The following ZNF91 variants were observed in gnomAD, a reference collection of about 807,000 sequenced individuals.
ZNF91 encodes the protein zinc finger protein 91 (HPF7, HTF10).
In ZNF91, 7 loss-of-function variants were observed where a neutral mutation model predicts 12.6. The ratio of observed to expected loss-of-function variants is 0.55; its 90% confidence interval spans 0.31 to 1.04. ZNF91 has a LOEUF of 1.04. Among genes scored for constraint, ZNF91 ranks in the 50% least tolerant of loss-of-function variants. The pLI, the probability that ZNF91 is intolerant of heterozygous loss-of-function variation, is 0.05. For synonymous variants in ZNF91, 453 were observed against 462.6 expected, an observed-to-expected ratio of 0.98 and a Z score of 0.27; for missense variants, 1,217 against 1,385.4, an observed-to-expected ratio of 0.88 and a Z score of 1.93.
At position 23,359,593 on chromosome 19, in the gene ZNF91, G is replaced by A; in HGVS notation, c.3386C>T (p.Thr1129Ile). Reference sequence around the variant, plus strand: ...TTCACATTTGTAGGGTTTCTCTCCAGTGTGAATTATCTTATGTTTAGTAAG... The same window carrying A: ...TTCACATTTGTAGGGTTTCTCTCCAATGTGAATTATCTTATGTTTAGTAAG... ...SALTKHKIIH[T>I]GEKPYKCEKC... Residue 1129 changes from threonine (T) to isoleucine (I), a missense_variant, in exon 4 of 4, where the codon ACT (threonine) becomes ATT (isoleucine). Physicochemically the swap from Thr to Ile is moderately conservative, Grantham distance 89. This residue lies in a region of ZNF91 where 491 missense variants were observed against 489.8 expected (regional missense o/e 1.00). Coordinates refer to ENST00000300619, the MANE Select transcript of ZNF91 (RefSeq NM_003430.4). The A allele has an allele frequency of 6.2e-7, 1 of 1,614,044 alleles. No individual in the cohort carries two copies.
intron 3 of ZNF91, among the ~76,000 whole-genome samples, chr19:23,350,976 G>C (rs182623310): frequency 9.5e-4 from 145 of 152,046 alleles, no homozygotes; most frequent in Middle Eastern, 3.4e-3. Context: ...CTCAGGGTTC[G>C]AACCAATATA....
At chr19:23,375,267 C>A (rs1040938883) in intron 1 of ZNF91, among the ~76,000 whole-genome samples, 7 of 151,998 alleles carry the variant, frequency 4.6e-5, no homozygotes, top group African/African-American at 1.7e-4. Flanking sequence ...TTCCGTGATT[C>A]TCCTGCCTCA....
intron 3 of ZNF91, among the ~76,000 whole-genome samples, chr19:23,343,192 T>A (rs11668151): frequency 0.19 from 28,616 of 152,148 alleles, 2,912 homozygotes; most frequent in Non-Finnish European, 0.21. Context: ...TCTGTCCAGT[T>A]CTCATATGGA....
chr19:23,372,631 C>T (rs564307136), intron 3 of ZNF91, among the ~76,000 whole-genome samples: 6 of 152,182 alleles, frequency 3.9e-5, no homozygotes, highest in Non-Finnish European at 5.9e-5. Flanking sequence ...TGTAACCATC[C>T]CAAACTCTTC....
upstream of ZNF91, among the ~76,000 whole-genome samples, chr19:23,315,157 C>G (rs1478988517): frequency 6.6e-6 from 1 of 152,116 alleles, no homozygotes; most frequent in Non-Finnish European, 1.5e-5. Context: ...ACTGCTTAGC[C>G]TTTGTTCAAG....
intron 3 of ZNF91, among the ~76,000 whole-genome samples, chr19:23,343,247 A>G (rs756629861): frequency 8.5e-5 from 13 of 152,226 alleles, no homozygotes; most frequent in Admixed American, 5.9e-4. Context: ...TTTAACGTAT[A>G]TATCAATGAG....
At chr19:23,327,232 A>G (rs574783249) in intron 1 of ZNF91, 6 of 150,608 alleles carry the variant, frequency 4.0e-5, no homozygotes, top group African/African-American at 1.3e-4. Context: ...ATTATATATC[A>G]TATTTATAAA....
chr19:23,328,070 AC>A (rs1967868086), intron 1 of ZNF91: 1 of 150,892 alleles, frequency 6.6e-6, no homozygotes, highest in African/African-American at 2.4e-5. Flanking sequence ...TTTTACTTTT[AC>A]AGATCTGTAT....
At chr19:23,372,007 T>C (rs1969297970) in intron 3 of ZNF91, among the ~76,000 whole-genome samples, 1 of 149,788 alleles carries the variant, frequency 6.7e-6, no homozygotes, top group Admixed American at 6.6e-5. Context: ...AAAACAAATA[T>C]TTGAGGAATA....
chr19:23,362,780 A>C, intron 3 of ZNF91, 55 bp from the exon 4 acceptor site: 1 of 1,332,238 alleles, frequency 7.5e-7, no homozygotes, highest in East Asian at 2.7e-5. Flanking sequence ...GACTCACATG[A>C]ATATAGTTTA....
intron 1 of ZNF91, chr19:23,325,382 G>A (rs1275104749): frequency 6.6e-6 from 1 of 152,100 alleles, no homozygotes; most frequent in Non-Finnish European, 1.5e-5. Flanking sequence ...AACCTTTGTG[G>A]TCCCATACCT....
At position 23,358,020 on chromosome 19, in the gene ZNF91, G is replaced by C. The variant is rs1442611383; in HGVS notation, c.*1383C>G. ...TGGGAACAATATTCTTTAACTTAAT[G>C]GCAATTAAAACTCACTGGCAAAAAA... On this transcript the variant is annotated 3_prime_UTR_variant, in exon 4 of 4. Coordinates refer to ENST00000300619, the MANE Select transcript of ZNF91 (RefSeq NM_003430.4). 1 of 151,952 alleles carries C rather than the reference G, an allele frequency of 6.6e-6. No homozygotes were observed. The highest frequency in any genetic ancestry group is 6.6e-5 in the Admixed American group (1 of 15,260). 9.4% of individuals were successfully genotyped at this position (151,952 alleles called of 1,614,324 possible). A position where few individuals can be genotyped will look rare whatever the true frequency, so the allele number is the denominator to read the frequency against.
At chr19:23,351,797 G>C (rs1004156483) in intron 3 of ZNF91, among the ~76,000 whole-genome samples, 3 of 152,160 alleles carry the variant, frequency 2.0e-5, no homozygotes, top group African/African-American at 7.2e-5. Context: ...TAAATACTGT[G>C]AGTGCCCCAA....
intron 1 of ZNF91, among the ~76,000 whole-genome samples, chr19:23,322,154 C>T (rs576440041): frequency 1.3e-5 from 2 of 152,300 alleles, no homozygotes; most frequent in South Asian, 4.1e-4. Flanking sequence ...GGCTGTAGCC[C>T]CTAGGTTACG....
intron 1 of ZNF91, among the ~76,000 whole-genome samples, chr19:23,330,106 G>A (rs1022362382): frequency 2.0e-5 from 3 of 152,100 alleles, no homozygotes; most frequent in Non-Finnish European, 2.9e-5. Context: ...AGGCTGAGGC[G>A]GATCACCTGA....
chr19:23,347,767 C>T (rs1438245133), intron 3 of ZNF91, among the ~76,000 whole-genome samples: 1 of 152,162 alleles, frequency 6.6e-6, no homozygotes, highest in Non-Finnish European at 1.5e-5. Context: ...TCAGTATCAC[C>T]CCACAGTTCC....
intron 3 of ZNF91, among the ~76,000 whole-genome samples, chr19:23,351,970 G>A (rs1429802796): frequency 1.3e-5 from 2 of 152,182 alleles, no homozygotes; most frequent in African/African-American, 2.4e-5. Flanking sequence ...GGAGCAGGGT[G>A]TAAAACACTG....
intron 1 of ZNF91, among the ~76,000 whole-genome samples, chr19:23,392,774 G>T (rs1250172258): frequency 2.8e-5 from 4 of 141,142 alleles, no homozygotes; most frequent in Admixed American, 6.9e-5. Flanking sequence ...ATACCAGCCT[G>T]GGCGACAGAG....
At chr19:23,349,411 C>T (rs1338514911) in intron 3 of ZNF91, among the ~76,000 whole-genome samples, 1 of 152,098 alleles carries the variant, frequency 6.6e-6, no homozygotes, top group East Asian at 1.9e-4. Flanking sequence ...AAATAACCTA[C>T]ATTGAAATAT....
Sources: allele counts gnomAD v4.1 joint callset (sites outside exome capture counted in the v4.1 genomes callset), GRCh38; gene constraint gnomAD v4.1.1; regional missense constraint gnomAD v4.1.1; transcripts MANE v1.5; gene names NCBI Gene and HGNC (gene_info 2026-07-23, HGNC 2026-07-21).